ERBB4: variants seen among roughly 807,000 people sequenced by gnomAD.
The protein encoded by ERBB4 is erb-b2 receptor tyrosine kinase 4.
ERBB4 carries 42 observed loss-of-function variants against 158.0 expected under a neutral mutation model. The observed-to-expected ratio is 0.27, with a 90% CI of 0.21 to 0.34. ERBB4 has a LOEUF of 0.34. Ranked by LOEUF, ERBB4 falls within the 10% of genes least tolerant of loss-of-function variation. The pLI, the probability that ERBB4 is intolerant of heterozygous loss-of-function variation, is 1.00. For missense variants in ERBB4, 1,333 were observed against 1,624.1 expected (o/e 0.82, Z 3.08); for synonymous variants, 583 against 558.7 (o/e 1.04, Z -0.61).
chr2:212,283,528 A>G (rs183729669), intron 1 of ERBB4, among the ~76,000 whole-genome samples: 2 of 152,104 alleles, frequency 1.3e-5, no homozygotes, highest in East Asian at 3.9e-4. Context: ...GCAAAATAAG[A>G]TATGTATCAC....
intron 5 of ERBB4, among the ~76,000 whole-genome samples, chr2:211,750,053 T>A (rs2075085028): frequency 6.6e-6 from 1 of 152,190 alleles, no homozygotes; most frequent in South Asian, 2.1e-4. Flanking sequence ...TATGCTTTGT[T>A]ACTATATGTC....
At chr2:211,653,963 C>A (rs1313390393) in intron 16 of ERBB4, among the ~76,000 whole-genome samples, 2 of 152,106 alleles carry the variant, frequency 1.3e-5, no homozygotes, top group African/African-American at 4.8e-5. Context: ...TATGAGCCAC[C>A]GCGCCCTGCC....
chr2:212,350,309 C>T (rs999394926), intron 1 of ERBB4, among the ~76,000 whole-genome samples: 3 of 152,068 alleles, frequency 2.0e-5, no homozygotes, highest in Admixed American at 1.3e-4. Flanking sequence ...GAGTGTAAAG[C>T]TATCCATTTA....
chr2:212,536,411 G>C (rs766657115), intron 1 of ERBB4, among the ~76,000 whole-genome samples: 36 of 152,200 alleles, frequency 2.4e-4, no homozygotes, highest in Non-Finnish European at 4.0e-4. Context: ...ATGCACCCGA[G>C]AGCTTTTCTT....
At chr2:211,615,367 C>T (rs1342878157) in intron 19 of ERBB4, among the ~76,000 whole-genome samples, 1 of 151,940 alleles carries the variant, frequency 6.6e-6, no homozygotes, top group African/African-American at 2.4e-5. Flanking sequence ...ACAAAAAAGC[C>T]TGCATTTTCC....
At chr2:211,568,902 C>A (rs1381883810) in intron 19 of ERBB4, among the ~76,000 whole-genome samples, 1 of 152,122 alleles carries the variant, frequency 6.6e-6, no homozygotes, top group Non-Finnish European at 1.5e-5. Context: ...TGCTTTGCTG[C>A]AGATGGTATG....
intron 24 of ERBB4, among the ~76,000 whole-genome samples, chr2:211,421,778 T>C (rs2063519550): frequency 6.6e-6 from 1 of 151,954 alleles, no homozygotes; most frequent in African/African-American, 2.4e-5. Flanking sequence ...TGTATAATCA[T>C]AATTATCTGT....
chr2:212,505,050 C>T (rs1691111267), intron 1 of ERBB4, among the ~76,000 whole-genome samples: 1 of 152,016 alleles, frequency 6.6e-6, no homozygotes, highest in Non-Finnish European at 1.5e-5. Flanking sequence ...AACAAATATA[C>T]AACTGTTTGT....
chr2:211,597,501 C>T (rs2068672216), intron 19 of ERBB4, among the ~76,000 whole-genome samples: 1 of 152,082 alleles, frequency 6.6e-6, no homozygotes, highest in South Asian at 2.1e-4. Context: ...TGAAACACAG[C>T]TGTCCAAAAT....
At chr2:211,965,333 A>T (rs530722407) in intron 2 of ERBB4, among the ~76,000 whole-genome samples, 6 of 152,230 alleles carry the variant, frequency 3.9e-5, no homozygotes, top group Non-Finnish European at 7.3e-5. Flanking sequence ...AGTTTAAATC[A>T]CTGACAATAA....
intron 2 of ERBB4, among the ~76,000 whole-genome samples, chr2:212,071,370 G>A (rs1056298704): frequency 1.3e-5 from 2 of 150,816 alleles, no homozygotes; most frequent in African/African-American, 4.9e-5. Flanking sequence ...TGATTTCTGG[G>A]ACACTATATG....
At chr2:212,132,993 C>A (rs1003579399) in intron 1 of ERBB4, among the ~76,000 whole-genome samples, 6 of 152,026 alleles carry the variant, frequency 3.9e-5, no homozygotes, top group African/African-American at 7.2e-5. Flanking sequence ...TAACATGATA[C>A]AACTATTGTA....
intron 3 of ERBB4, among the ~76,000 whole-genome samples, chr2:211,793,850 G>A (rs2076327370): frequency 6.6e-6 from 1 of 151,854 alleles, no homozygotes; most frequent in African/African-American, 2.4e-5. Flanking sequence ...GGGTGCTTGA[G>A]GAGACAATGG....
intron 20 of ERBB4, among the ~76,000 whole-genome samples, chr2:211,433,200 A>G (rs1445089504): frequency 6.6e-6 from 1 of 152,244 alleles, no homozygotes; most frequent in African/African-American, 2.4e-5. Context: ...GGCAGGGTCC[A>G]AGAAGGGTCC....
intron 3 of ERBB4, among the ~76,000 whole-genome samples, chr2:211,869,211 G>A (rs1196874192): frequency 2.0e-5 from 3 of 152,274 alleles, no homozygotes; most frequent in South Asian, 2.1e-4. Flanking sequence ...ATGCTTAAGA[G>A]CATAGGCTCT....
At chr2:211,758,595 G>T (rs2075337759) in intron 4 of ERBB4, among the ~76,000 whole-genome samples, 1 of 152,056 alleles carries the variant, frequency 6.6e-6, no homozygotes, top group Admixed American at 6.6e-5. Context: ...ATAAATAAGG[G>T]GTCTGAACTA....
intron 3 of ERBB4, among the ~76,000 whole-genome samples, chr2:211,889,240 C>A (rs1243112095): frequency 6.9e-6 from 1 of 144,624 alleles, no homozygotes; most frequent in South Asian, 2.1e-4. Flanking sequence ...GGTCCCTGAC[C>A]CCTGACCCCC....
At chr2:212,505,591 C>A (rs1691150658) in intron 1 of ERBB4, among the ~76,000 whole-genome samples, 1 of 149,130 alleles carries the variant, frequency 6.7e-6, no homozygotes, top group African/African-American at 2.4e-5. Flanking sequence ...GCCTCTTTAT[C>A]TGAGCTATTT....
chr2:212,263,334 C>A (rs967023204), intron 1 of ERBB4, among the ~76,000 whole-genome samples: 2 of 152,060 alleles, frequency 1.3e-5, no homozygotes, highest in East Asian at 3.9e-4. Flanking sequence ...CTTACAGCAG[C>A]CCCAGGAAAT....
Sources: gnomAD v4.1 joint callset for allele counts (sites outside exome capture counted in the v4.1 genomes callset) on GRCh38, gnomAD v4.1.1 for gene constraint, MANE v1.5 for transcripts, NCBI Gene and HGNC (gene_info 2026-07-23, HGNC 2026-07-21) for gene names.